Variants in RNF213 observed in about 807,000 individuals in gnomAD.
RNF213 encodes E3 ubiquitin-protein ligase RNF213.
Under a neutral mutation model 514.4 loss-of-function variants are expected in RNF213, and 341 were observed. The ratio of observed to expected loss-of-function variants is 0.66; its 90% confidence interval spans 0.61 to 0.73. The LOEUF is 0.73. Ranked by LOEUF, RNF213 falls within the 30% of genes least tolerant of loss-of-function variation. The pLI, the probability that RNF213 is intolerant of heterozygous loss-of-function variation, is 0.00. For missense variants in RNF213, 5,767 were observed against 6,615.6 expected, an observed-to-expected ratio of 0.87 and a Z score of 4.45; for synonymous variants, 2,655 against 2,658.2, an observed-to-expected ratio of 1.00 and a Z score of 0.04.
rs941105944 is a variant in RNF213 at position 80,327,478 on chromosome 17, C to CA, written c.3194-322dup. Among the ~76,000 whole-genome samples the CA allele has an allele frequency of 5.9e-3, 433 of 73,250 alleles. 3 individuals carry two copies. The highest frequency in any genetic ancestry group is 0.018 in the East Asian group (47 of 2,640). 48.1% of individuals were successfully genotyped at this position (73,250 alleles called of 152,430 possible). A position where few individuals can be genotyped will look rare whatever the true frequency, so the allele number is the denominator to read the frequency against. On this transcript the variant is annotated intron_variant, in intron 18 of 67. Coordinates refer to ENST00000582970, the MANE Select transcript of RNF213 (RefSeq NM_001256071.3). ...CCTGGGTGACAGAGAGAGACCCTGTCAAAAAAAAAAAAAAAAGGAAGTCAG... is the reference window on the plus strand; with the variant it reads ...CCTGGGTGACAGAGAGAGACCCTGTCAAAAAAAAAAAAAAAAAGGAAGTCAG...
Position 80,306,425 on chromosome 17 carries a change from T to A in RNF213, c.2384T>A (p.Ile795Asn). 3 of 1,614,120 alleles carry A rather than the reference T, an allele frequency of 1.9e-6. No individual in the cohort carries two copies. Among genetic ancestry groups the A allele is most frequent in the Non-Finnish European group, 2.5e-6 (3 of 1,180,014 alleles). ...CATATCCTGGACTGTCTTTCAGGGA[T>A]TTACTACCGGCTTCCGGGACTTGAG... is the stretch of plus-strand genomic sequence containing the variant. ...PAHILDCLSG[I>N]YYRLPGLEQV... Residue 795 changes from isoleucine (I) to asparagine (N), a missense_variant, in exon 12 of 68, where the codon ATT (isoleucine) becomes AAT (asparagine). By Grantham distance (149) the Ile-to-Asn change is moderately radical. This residue lies in a region of RNF213 where 592 missense variants were observed against 673.9 expected (regional missense o/e 0.88). Coordinates refer to ENST00000582970, the MANE Select transcript of RNF213 (RefSeq NM_001256071.3).
At position 80,298,326 on chromosome 17, in the gene RNF213, G is replaced by T; in HGVS notation, c.2018G>T (p.Arg673Leu). ...GGATCTTTATTCCCTTCCAGCTGGC[G>T]GCTGTACCTGGTGAACCTGTGCCAA... is the stretch of plus-strand genomic sequence containing the variant. ...SHILGIPQSWRLYLVNLCQRC... is the reference protein window; with the variant it reads ...SHILGIPQSWLLYLVNLCQRC... The change falls in exon 11 of 68, where the codon CGG (arginine) becomes CTG (leucine). Residue 673 changes from arginine (R) to leucine (L), a missense_variant. Physicochemically the swap from Arg to Leu is moderately radical, Grantham distance 102 (BLOSUM62 -2). Around this residue, in one of 13 missense-constraint regions of RNF213, gnomAD observed 592 missense variants for 673.9 expected, o/e 0.88. Transcript: ENST00000582970. 1 of 1,614,112 alleles carries T rather than the reference G, an allele frequency of 6.2e-7. No individual in the cohort carries two copies. Among genetic ancestry groups the T allele is most frequent in the Admixed American group, 1.7e-5 (1 of 60,006 alleles).
intron 2 of RNF213, among the ~76,000 whole-genome samples, chr17:80,271,058 A>C (rs182830375): frequency 1.3e-5 from 2 of 152,062 alleles, no homozygotes; most frequent in African/African-American, 2.4e-5. Context: ...CAGGGTAAAT[A>C]TCGGCCCTGA....
chr17:80,374,333 G>C (rs947822931), intron 49 of RNF213, 125 bp from the exon 50 acceptor site: 2 of 1,281,944 alleles, frequency 1.6e-6, no homozygotes, highest in Admixed American at 3.4e-5. Flanking sequence ...GGCCAGGTCA[G>C]GGAATCCCAG....
chr17:80,293,825 TA>T (rs1190478419), intron 8 of RNF213, among the ~76,000 whole-genome samples: 213 of 142,450 alleles, frequency 1.5e-3, no homozygotes, highest in Non-Finnish European at 1.5e-3. Flanking sequence ...AGACTCAGTC[TA>T]AAAAAAAAAA....
chr17:80,389,108 T>C (rs751586146), intron 64 of RNF213, 65 bp from the exon 65 acceptor site: 2 of 1,487,154 alleles, frequency 1.3e-6, no homozygotes, highest in Non-Finnish European at 9.4e-7. Flanking sequence ...TCGGCTCTCT[T>C]ACCAGGTGGT....
At chr17:80,273,548 C>CTTCTGCA in intron 3 of RNF213, 144 bp downstream of exon 3, 1 of 1,015,206 alleles carries the variant, frequency 9.9e-7, no homozygotes, top group South Asian at 1.4e-5. Flanking sequence ...AGAGCTGCCC[C>CTTCTGCA]TTCTGCACCT....
chr17:80,269,440 CTATCCATCCATCTATT>C (rs879814980), intron 2 of RNF213, among the ~76,000 whole-genome samples: 2,175 of 151,992 alleles, frequency 0.014, 23 homozygotes, highest in South Asian at 0.031. Context: ...TCTATTCTAT[CTATCCATCCATCTATT>C]CATCCATCCA....
At chr17:80,355,334 G>A (rs112888599) in intron 36 of RNF213, 24 of 444,070 alleles carry the variant, frequency 5.4e-5, no homozygotes, top group African/African-American at 3.3e-4. Context: ...CGGTAATGGG[G>A]GCTTACAGGG....
intron 6 of RNF213, 123 bp from the exon 7 acceptor site, chr17:80,290,447 G>GTGTGCGAGTGCA: frequency 1.7e-6 from 2 of 1,167,912 alleles, no homozygotes. Context: ...GTGCATGTGT[G>GTGTGCGAGTGCA]TGTGCGAGTG....
At chr17:80,276,420 A>G (rs1439699041) in intron 3 of RNF213, among the ~76,000 whole-genome samples, 2 of 151,264 alleles carry the variant, frequency 1.3e-5, no homozygotes, top group Non-Finnish European at 2.9e-5. Context: ...TTATTTTTTA[A>G]TGTTTTAAAT....
chr17:80,395,633 G>A lies in RNF213; in HGVS notation c.*2135G>A, dbSNP rs2080642349. 6.6e-6 allele frequency: 1 copy of A among 152,258 alleles called. No individual in the cohort carries two copies. Among genetic ancestry groups the A allele is most frequent in the Non-Finnish European group, 1.5e-5 (1 of 68,104 alleles). 9.4% of individuals were successfully genotyped at this position (152,258 alleles called of 1,614,324 possible). ...CTGAAATGACTTCACTGGACACAGCGGGGCTGCAGCTAACGGGGTACAGGT... is the reference window on the plus strand; with the variant it reads ...CTGAAATGACTTCACTGGACACAGCAGGGCTGCAGCTAACGGGGTACAGGT... On this transcript the variant is annotated 3_prime_UTR_variant, in exon 68 of 68. Transcript: ENST00000582970.
At chr17:80,338,956 A>AAT (rs1568091607) in intron 25 of RNF213, among the ~76,000 whole-genome samples, 3 of 130,120 alleles carry the variant, frequency 2.3e-5, no homozygotes, top group African/African-American at 5.7e-5. Context: ...TCAAAAAAAA[A>AAT]TTAAAAAAAA....
At position 80,294,637 on chromosome 17, in the gene RNF213, G is replaced by A. The variant is rs1489118730; in HGVS notation, c.1472-83G>A. ...CATTTACTCCATATCTGTACCAGTC[G>A]TGATCAGCCTTCTAGGCTAGTGTCT... On this transcript the variant is annotated intron_variant, in intron 8 of 67. Transcript: ENST00000582970. 4.6e-6 allele frequency: 7 copies of A among 1,516,988 alleles called. No individual in the cohort carries two copies. The East Asian group carries it at 6.7e-5, about 15-fold the overall frequency. 94.0% of individuals were successfully genotyped at this position (1,516,988 alleles called of 1,614,324 possible).
intron 49 of RNF213, among the ~76,000 whole-genome samples, chr17:80,373,999 C>T (rs576030923): frequency 9.7e-5 from 11 of 113,686 alleles, no homozygotes; most frequent in Admixed American, 6.7e-4. Context: ...AGCGAGACTC[C>T]GTCTCAAAAA....
intron 2 of RNF213, among the ~76,000 whole-genome samples, chr17:80,267,946 A>G (rs367895356): frequency 6.6e-6 from 1 of 151,762 alleles, no homozygotes; most frequent in Non-Finnish European, 1.5e-5. Flanking sequence ...CAGCCTCCCA[A>G]GTAGCTGGGA....
intron 26 of RNF213, among the ~76,000 whole-genome samples, chr17:80,342,733 T>TTA (rs112762659): frequency 0.081 from 11,763 of 145,034 alleles, 1,114 homozygotes; most frequent in African/African-American, 0.23. Context: ...TATATATATA[T>TTA]TATATATATA....
intron 29 of RNF213, among the ~76,000 whole-genome samples, chr17:80,348,731 A>C (rs2078399806): frequency 6.6e-6 from 1 of 152,238 alleles, no homozygotes; most frequent in Non-Finnish European, 1.5e-5. Context: ...GATGTTCCCT[A>C]GGAGAAGCCC....
intron 55 of RNF213, 40 bp downstream of exon 55, chr17:80,379,754 T>C (rs767393102): frequency 2.6e-6 from 4 of 1,542,498 alleles, no homozygotes; most frequent in Admixed American, 1.7e-5. Context: ...TACTCAAACT[T>C]TGGGGTGTTG....
Sources: gnomAD v4.1 joint callset for allele counts (sites outside exome capture counted in the v4.1 genomes callset) on GRCh38, gnomAD v4.1.1 for gene constraint, gnomAD v4.1.1 regional missense constraint, MANE v1.5 for transcripts, NCBI Gene and HGNC (gene_info 2026-07-23, HGNC 2026-07-21) for gene names.